Variants in SCG3 observed in about 807,000 individuals in gnomAD.
SCG3 encodes the protein secretogranin III.
In SCG3, 38 loss-of-function variants were observed where a neutral mutation model predicts 56.2. The ratio of observed to expected loss-of-function variants is 0.68; its 90% CI spans 0.52 to 0.89. The LOEUF (loss-of-function observed/expected upper bound fraction) is 0.89. SCG3 is among the 40% of genes least tolerant of loss of function. SCG3 has a pLI of 0.00. For missense variants in SCG3, 524 were observed against 540.7 expected (o/e 0.97, Z 0.31); for synonymous variants, 176 against 184.2 (o/e 0.96, Z 0.36).
intron 4 of SCG3, among the ~76,000 whole-genome samples, chr15:51,687,046 T>C (rs1357202779): frequency 6.6e-6 from 1 of 152,196 alleles, no homozygotes; most frequent in East Asian, 1.9e-4. Flanking sequence ...GTGAATATGA[T>C]GAGGATTGTC....
intron 10 of SCG3, among the ~76,000 whole-genome samples, chr15:51,709,722 T>A (rs1314542184): frequency 1.6e-5 from 1 of 64,178 alleles, no homozygotes; most frequent in Non-Finnish European, 3.0e-5. Flanking sequence ...TTTTTTTTTT[T>A]TTTTTTTTTT....
intron 6 of SCG3, among the ~76,000 whole-genome samples, chr15:51,689,692 G>A (rs953475707): frequency 1.3e-5 from 2 of 152,062 alleles, no homozygotes; most frequent in African/African-American, 2.4e-5. Context: ...AGGAGGCTGA[G>A]AGGAAGATCG....
intron 4 of SCG3, among the ~76,000 whole-genome samples, chr15:51,686,765 C>T (rs1346280380): frequency 2.0e-5 from 3 of 150,024 alleles, no homozygotes; most frequent in Non-Finnish European, 2.9e-5. Context: ...TGGTACTCAG[C>T]TCAAAGGGCT....
chr15:51,713,647 G>C (rs2055435379), intron 11 of SCG3, among the ~76,000 whole-genome samples: 1 of 152,204 alleles, frequency 6.6e-6, no homozygotes. Flanking sequence ...TAGGAAAAAT[G>C]TCAAGCAAAC....
intron 10 of SCG3, among the ~76,000 whole-genome samples, chr15:51,711,153 T>C (rs181014894): frequency 6.6e-6 from 1 of 152,350 alleles, no homozygotes; most frequent in African/African-American, 2.4e-5. Flanking sequence ...AGCTGATGCA[T>C]TGATCTACCC....
intron 11 of SCG3, among the ~76,000 whole-genome samples, chr15:51,715,539 G>A (rs746041854): frequency 1.3e-5 from 2 of 152,148 alleles, no homozygotes; most frequent in Non-Finnish European, 2.9e-5. Flanking sequence ...TGAGGATAAT[G>A]AGAAAATCTT....
chr15:51,698,345 T>A (rs2055317420), intron 8 of SCG3, among the ~76,000 whole-genome samples: 1 of 152,126 alleles, frequency 6.6e-6, no homozygotes, highest in Non-Finnish European at 1.5e-5. Flanking sequence ...CTTGAGGAAG[T>A]CACAGTCTAG....
intron 10 of SCG3, among the ~76,000 whole-genome samples, chr15:51,709,678 TATATATATA>T (rs2055400332): frequency 8.3e-5 from 1 of 12,114 alleles, no homozygotes; most frequent in African/African-American, 2.7e-4. Flanking sequence ...TATATATATA[TATATATATA>T]TATATATATA....
In SCG3 at chr15:51,699,206, A is replaced by G. The variant is rs1038123810; in HGVS notation, c.986-113A>G. 3.5e-5 allele frequency: 26 copies of G among 733,876 alleles called. No homozygotes were observed. The South Asian group carries it at 3.9e-4, about 11-fold the overall frequency. 45.5% of individuals were successfully genotyped at this position (733,876 alleles called of 1,614,324 possible). A position where few individuals can be genotyped will look rare whatever the true frequency, so the allele number is the denominator to read the frequency against. On this transcript the variant is annotated intron_variant, in intron 8 of 11. Transcript: ENST00000220478. ...GTCAAAACATCTTACCAGGAGTGTT[A>G]ATATTTTGGAGTTGCTATTGTGATA...
At chr15:51,700,305 AT>A (rs1231407009) in intron 9 of SCG3, among the ~76,000 whole-genome samples, 1 of 152,086 alleles carries the variant, frequency 6.6e-6, no homozygotes, top group African/African-American at 2.4e-5. Context: ...TTTTCTTCCT[AT>A]TTTTCTACAA....
intron 10 of SCG3, among the ~76,000 whole-genome samples, chr15:51,701,650 G>A (rs965934939): frequency 3.9e-5 from 6 of 152,106 alleles, no homozygotes; most frequent in Admixed American, 6.6e-5. Context: ...TTGGTCAGGC[G>A]CAGTGGCTCA....
chr15:51,683,605 A>G (rs555986675), intron 4 of SCG3, among the ~76,000 whole-genome samples, 171 bp downstream of exon 4: 9 of 152,312 alleles, frequency 5.9e-5, no homozygotes, highest in African/African-American at 2.2e-4. Context: ...CCAGCTCCAC[A>G]GAGTGCCATA....
intron 8 of SCG3, among the ~76,000 whole-genome samples, chr15:51,697,320 C>T (rs1471393065): frequency 6.6e-6 from 1 of 152,158 alleles, no homozygotes; most frequent in Non-Finnish European, 1.5e-5. Context: ...AAATTCCACA[C>T]TTAGTCAATT....
chr15:51,709,401 C>G (rs2622776), intron 10 of SCG3, among the ~76,000 whole-genome samples: 39,511 of 151,650 alleles, frequency 0.26, 5,870 homozygotes, highest in East Asian at 0.54. Context: ...TTAGCTATGT[C>G]GCCTTGGGCA....
intron 7 of SCG3, among the ~76,000 whole-genome samples, chr15:51,695,476 C>T (rs557800811): frequency 6.6e-6 from 1 of 152,146 alleles, no homozygotes; most frequent in Admixed American, 6.5e-5. Flanking sequence ...TTATCATTGC[C>T]CATGTCCGAA....
At chr15:51,708,964 G>T (rs559783772) in intron 10 of SCG3, among the ~76,000 whole-genome samples, 10 of 152,256 alleles carry the variant, frequency 6.6e-5, no homozygotes, top group African/African-American at 2.4e-4. Context: ...AGTCATTAAA[G>T]GCTCCATATT....
Position 51,681,707 on chromosome 15 carries a change from A to T in SCG3, c.-49A>T. The T allele has an allele frequency of 7.1e-7, 1 of 1,410,548 alleles. No individual in the cohort carries two copies. The highest frequency in any genetic ancestry group is 2.3e-5 in the East Asian group (1 of 43,792). The allele number at this position is 1,410,548 out of a possible 1,614,324, so 87.4% of individuals were successfully genotyped here. A position where few individuals can be genotyped will look rare whatever the true frequency, so the allele number is the denominator to read the frequency against. On this transcript the variant is annotated 5_prime_UTR_variant, in exon 1 of 12. Transcript: ENST00000220478. Reference sequence around the variant, plus strand: ...CCTTTTCATTCATAACAAAAGCTACAGCTCCAGGAGCCCAGCGCCGGGCTG... The same window carrying T: ...CCTTTTCATTCATAACAAAAGCTACTGCTCCAGGAGCCCAGCGCCGGGCTG...
chr15:51,700,439 T>C (rs2055331662), intron 9 of SCG3, among the ~76,000 whole-genome samples: 1 of 152,236 alleles, frequency 6.6e-6, no homozygotes, highest in Admixed American at 6.5e-5. Context: ...TTTATGATTT[T>C]TAATTCAACA....
At chr15:51,704,449 A>T (rs1194620176) in intron 10 of SCG3, among the ~76,000 whole-genome samples, 1 of 150,590 alleles carries the variant, frequency 6.6e-6, no homozygotes, top group Non-Finnish European at 1.5e-5. Flanking sequence ...GAAACTCTGT[A>T]CCAATTAAAC....
Sources: allele counts gnomAD v4.1 joint callset (sites outside exome capture counted in the v4.1 genomes callset), GRCh38; gene constraint gnomAD v4.1.1; transcripts MANE v1.5; gene names NCBI Gene and HGNC (gene_info 2026-07-23, HGNC 2026-07-21).